Variants in SH2D4A observed in about 807,000 individuals in gnomAD.
The protein encoded by SH2D4A is SH2 domain-containing protein 4A.
SH2D4A carries 70 observed loss-of-function variants against 64.7 expected under a neutral mutation model. The observed-to-expected ratio is 1.08, with a 90% CI of 0.89 to 1.32. SH2D4A has a LOEUF of 1.32. Ranked by LOEUF, SH2D4A falls within the 40% of genes most tolerant of loss-of-function variation. The pLI, the probability that SH2D4A is intolerant of heterozygous loss-of-function variation, is 0.00. For missense variants in SH2D4A, 706 were observed against 540.1 expected (o/e 1.31, Z -3.04); for synonymous variants, 268 against 200.7 (o/e 1.34, Z -2.83).
At chr8:19,332,246 G>C (rs7845057) in intron 2 of SH2D4A, among the ~76,000 whole-genome samples, 1 of 152,068 alleles carries the variant, frequency 6.6e-6, no homozygotes, top group Non-Finnish European at 1.5e-5. Context: ...ATAGTTAGAT[G>C]TAAGAATTTA....
chr8:19,330,812 G>A (rs1446897990), intron 2 of SH2D4A, among the ~76,000 whole-genome samples: 1 of 151,942 alleles, frequency 6.6e-6, no homozygotes, highest in Non-Finnish European at 1.5e-5. Context: ...AAGGCTGAGA[G>A]GCTGACATAA....
chr8:19,361,047 A>T, intron 5 of SH2D4A, 156 bp from the exon 6 acceptor site: 1 of 483,168 alleles, frequency 2.1e-6, no homozygotes, highest in Non-Finnish European at 3.7e-6. Flanking sequence ...TACTGACTCC[A>T]AAGTCCACAC....
In SH2D4A at chr8:19,378,316, C is replaced by G. The variant is rs114095023; in HGVS notation, c.1048+4656C>G. Among the ~76,000 whole-genome samples, 1,469 of 152,180 alleles carry G rather than the reference C, an allele frequency of 9.7e-3. 27 individuals are homozygous for G. The highest frequency in any genetic ancestry group is 0.034 in the African/African-American group (1,394 of 41,500). ...AGCTATTTTTCCTTTATAGTTTCTGCTTGTTGTATCATGCACAATCCACCC... is the reference window on the plus strand; with the variant it reads ...AGCTATTTTTCCTTTATAGTTTCTGGTTGTTGTATCATGCACAATCCACCC... On this transcript the variant is annotated intron_variant, in intron 8 of 9. Transcript: ENST00000265807.
At chr8:19,356,205 G>A (rs1291451298) in intron 4 of SH2D4A, among the ~76,000 whole-genome samples, 1 of 152,178 alleles carries the variant, frequency 6.6e-6, no homozygotes, top group Admixed American at 6.5e-5. Context: ...CAACCGCTGA[G>A]GCATTTGGGA....
intron 4 of SH2D4A, among the ~76,000 whole-genome samples, chr8:19,335,795 C>G (rs977112373): frequency 1.3e-5 from 2 of 152,166 alleles, no homozygotes; most frequent in Non-Finnish European, 2.9e-5. Context: ...GGTATGAATT[C>G]TCTTATGGTT....
intron 4 of SH2D4A, among the ~76,000 whole-genome samples, chr8:19,348,072 G>A (rs2052639465): frequency 1.3e-5 from 2 of 152,140 alleles, no homozygotes. Context: ...CTGAAACTAT[G>A]GTGGTTTTCA....
At chr8:19,365,751 G>C (rs2052982487) in intron 7 of SH2D4A, among the ~76,000 whole-genome samples, 1 of 152,108 alleles carries the variant, frequency 6.6e-6, no homozygotes, top group Admixed American at 6.5e-5. Flanking sequence ...TTTTAGGGCT[G>C]GGACTTGACA....
intron 5 of SH2D4A, among the ~76,000 whole-genome samples, chr8:19,360,025 T>C (rs946894703): frequency 6.6e-6 from 1 of 152,208 alleles, no homozygotes; most frequent in African/African-American, 2.4e-5. Flanking sequence ...TCAGTCGTCT[T>C]GTGAGCACTC....
At chr8:19,388,378 C>T (rs2053426072) in intron 8 of SH2D4A, among the ~76,000 whole-genome samples, 2 of 152,108 alleles carry the variant, frequency 1.3e-5, no homozygotes, top group African/African-American at 2.4e-5. Flanking sequence ...TGTGGTATGC[C>T]AGGGCAAAGC....
chr8:19,342,734 G>A (rs1196997667), intron 4 of SH2D4A, among the ~76,000 whole-genome samples: 2 of 152,136 alleles, frequency 1.3e-5, no homozygotes, highest in South Asian at 2.1e-4. Flanking sequence ...GCACCTTAAC[G>A]ATCACACTGC....
chr8:19,354,153 C>A (rs964174969), intron 4 of SH2D4A, among the ~76,000 whole-genome samples: 5 of 151,888 alleles, frequency 3.3e-5, no homozygotes, highest in African/African-American at 1.2e-4. Flanking sequence ...CACCATGCAC[C>A]ACCATGCCAG....
At chr8:19,348,154 G>A (rs1220969413) in intron 4 of SH2D4A, among the ~76,000 whole-genome samples, 3 of 152,066 alleles carry the variant, frequency 2.0e-5, no homozygotes, top group East Asian at 3.9e-4. Flanking sequence ...GGAGTGCCAC[G>A]GTGCAATAAT....
chr8:19,353,526 G>A (rs778282375), intron 4 of SH2D4A, among the ~76,000 whole-genome samples: 9 of 151,708 alleles, frequency 5.9e-5, no homozygotes, highest in Admixed American at 2.6e-4. Flanking sequence ...GCATCATCAC[G>A]CCCGGCTAAT....
intron 1 of SH2D4A, among the ~76,000 whole-genome samples, 193 bp from the exon 2 acceptor site, chr8:19,319,151 G>C (rs1015468501): frequency 6.6e-6 from 1 of 151,362 alleles, no homozygotes; most frequent in South Asian, 2.1e-4. Flanking sequence ...TTTTGACAGA[G>C]TATCTTTAGA....
intron 7 of SH2D4A, among the ~76,000 whole-genome samples, chr8:19,364,905 G>A (rs912634635): frequency 9.9e-5 from 15 of 152,170 alleles, no homozygotes; most frequent in African/African-American, 3.4e-4. Flanking sequence ...AGAACCATTT[G>A]TTCTGGAAAA....
chr8:19,381,044 T>A (rs2053284274), intron 8 of SH2D4A, among the ~76,000 whole-genome samples: 1 of 150,878 alleles, frequency 6.6e-6, no homozygotes, highest in Non-Finnish European at 1.5e-5. Context: ...CAATGTTTTG[T>A]AGTTTTTTTT....
intron 8 of SH2D4A, among the ~76,000 whole-genome samples, chr8:19,376,558 G>T (rs928215537): frequency 9.9e-5 from 15 of 152,058 alleles, no homozygotes; most frequent in African/African-American, 3.6e-4. Flanking sequence ...GGAGGCACAG[G>T]TTATAGCGAG....
At chr8:19,363,025 T>C (rs1039991156) in intron 6 of SH2D4A, among the ~76,000 whole-genome samples, 2 of 152,116 alleles carry the variant, frequency 1.3e-5, no homozygotes, top group African/African-American at 4.8e-5. Context: ...CCATTTTTTT[T>C]TGTCCTCTAT....
At chr8:19,318,906 C>T (rs1217409652) in intron 1 of SH2D4A, among the ~76,000 whole-genome samples, 1 of 151,816 alleles carries the variant, frequency 6.6e-6, no homozygotes, top group African/African-American at 2.4e-5. Context: ...GGATGAGTTA[C>T]TCTGTGACAT....
Sources: gnomAD v4.1 joint callset for allele counts (sites outside exome capture counted in the v4.1 genomes callset) on GRCh38, gnomAD v4.1.1 for gene constraint, MANE v1.5 for transcripts, NCBI Gene and HGNC (gene_info 2026-07-23, HGNC 2026-07-21) for gene names.